ATAD2B: variants seen among roughly 807,000 people sequenced by gnomAD.
The protein encoded by ATAD2B is ATPase family AAA domain-containing protein 2B.
A neutral mutation model predicts 167.6 loss-of-function variants in ATAD2B; 40 were observed. The observed-to-expected ratio is 0.24, with a 90% CI of 0.19 to 0.31. ATAD2B has a LOEUF of 0.31. Among genes scored for constraint, ATAD2B ranks in the 10% least tolerant of loss-of-function variants. The pLI is 1.00. For missense variants in ATAD2B, 1,242 were observed against 1,757.2 expected (o/e 0.71, Z 5.24); for synonymous variants, 579 against 596.5 (o/e 0.97, Z 0.43).
rs568672666 is a variant in ATAD2B at position 23,810,448 on chromosome 2, T to C, written c.2322A>G (p.Glu774=). The part of the protein sequence containing the change: ...SYRPRLLLSG[E]RGSGQTSHLA... ...GGTGAGAAGTTTGACCTGAGCCCCG[T>C]TCTCCAGAGAGCAATAAGCGTGGCC... The change falls in exon 18 of 28, where the codon GAA becomes GAG. Residue 774 remains glutamate, a synonymous_variant. Coordinates refer to ENST00000238789, the MANE Select transcript of ATAD2B (RefSeq NM_017552.4). 2.4e-5 allele frequency: 38 copies of C among 1,613,948 alleles called. No homozygotes were observed. The highest frequency in any genetic ancestry group is 6.6e-5 in the South Asian group (6 of 91,084).
the ATAD2B span, among the ~76,000 whole-genome samples, chr2:23,709,229 C>T: frequency 1.3e-5 from 2 of 152,030 alleles, no homozygotes; most frequent in Non-Finnish European, 2.9e-5. Context: ...TTAGTAGAGA[C>T]GGTGGTTTTT....
intron 13 of ATAD2B, among the ~76,000 whole-genome samples, chr2:23,851,674 T>A (rs1692593632): frequency 6.6e-6 from 1 of 152,154 alleles, no homozygotes; most frequent in Admixed American, 6.5e-5. Context: ...TTCTATGGGT[T>A]TGGACAAACA....
At chr2:23,807,381 T>C (rs1267058174) in intron 18 of ATAD2B, among the ~76,000 whole-genome samples, 1 of 152,188 alleles carries the variant, frequency 6.6e-6, no homozygotes, top group Non-Finnish European at 1.5e-5. Flanking sequence ...TTTATCTATG[T>C]AGAACATTCC....
At chr2:23,909,956 A>G (rs1702034886) in intron 1 of ATAD2B, among the ~76,000 whole-genome samples, 1 of 150,652 alleles carries the variant, frequency 6.6e-6, no homozygotes, top group Admixed American at 6.6e-5. Flanking sequence ...TCAAACTCCT[A>G]GGCTCAAGCG....
At chr2:23,905,602 A>G (rs1488623200) in intron 1 of ATAD2B, among the ~76,000 whole-genome samples, 1 of 152,222 alleles carries the variant, frequency 6.6e-6, no homozygotes, top group Non-Finnish European at 1.5e-5. Context: ...CAGCACTACC[A>G]CTATAACTCA....
At chr2:23,713,982 C>A in the ATAD2B span, among the ~76,000 whole-genome samples, 1 of 152,146 alleles carries the variant, frequency 6.6e-6, no homozygotes, top group Non-Finnish European at 1.5e-5. Context: ...CTACAGATTT[C>A]TCAGAATCAA....
At chr2:23,685,258 ATTAT>A in the ATAD2B span, 1 of 144,956 alleles carries the variant, frequency 6.9e-6, no homozygotes, top group Non-Finnish European at 1.5e-5. Flanking sequence ...TTTTTCCTCC[ATTAT>A]GTTGATTTTT....
At chr2:23,853,077 G>A (rs1692826755) in intron 13 of ATAD2B, among the ~76,000 whole-genome samples, 1 of 152,048 alleles carries the variant, frequency 6.6e-6, no homozygotes, top group African/African-American at 2.4e-5. Context: ...CAGCAAACTA[G>A]GAATATAGTG....
intron 1 of ATAD2B, among the ~76,000 whole-genome samples, chr2:23,924,365 G>C (rs1348673432): frequency 6.6e-6 from 1 of 152,162 alleles, no homozygotes; most frequent in Non-Finnish European, 1.5e-5. Context: ...ACTGGCAAAT[G>C]CTTATTACAG....
chr2:23,684,330 CT>C, the ATAD2B span: 1 of 1,205,830 alleles, frequency 8.3e-7, no homozygotes, highest in Non-Finnish European at 1.1e-6. This position sits in a 1 kb window ranked among gnomAD's most constrained non-coding sequence, Gnocchi z 4.4. Flanking sequence ...AGAAAAAAAA[CT>C]TTTTTTAATT....
Position 23,798,213 on chromosome 2 carries a change from T to C in ATAD2B, c.2565A>G (p.Leu855=), listed in dbSNP as rs766737233. ...ETVRATFLTL[L]QDIPSFSPIF... is the part of the protein sequence containing the mutation. The stretch of plus-strand genomic sequence containing the variant: ...TAGGTGAAAATGATGGTATATCTTG[T>C]AGCAATGTCAGAAAAGTTGCTCTCA... The change falls in exon 19 of 28, where the codon CTA becomes CTG. Residue 855 remains leucine, a synonymous_variant. Transcript: ENST00000238789. The C allele has an allele frequency of 3.1e-6, 5 of 1,608,390 alleles. No individual in the cohort carries two copies. Among genetic ancestry groups the C allele is most frequent in the South Asian group, 1.1e-5 (1 of 90,546 alleles).
chr2:23,772,131 A>AT (rs111372185), intron 22 of ATAD2B, among the ~76,000 whole-genome samples: 2 of 147,304 alleles, frequency 1.4e-5, no homozygotes, highest in Non-Finnish European at 3.0e-5. Context: ...TATTTTGTTC[A>AT]TTTTTTTTTT....
chr2:23,844,439 A>G (rs1691413118), intron 13 of ATAD2B, among the ~76,000 whole-genome samples: 1 of 152,264 alleles, frequency 6.6e-6, no homozygotes, highest in African/African-American at 2.4e-5. Context: ...ACAGGAAAAC[A>G]CAATCCGTAA....
At chr2:23,781,787 CT>C (rs985841129) in intron 22 of ATAD2B, among the ~76,000 whole-genome samples, 3 of 137,182 alleles carry the variant, frequency 2.2e-5, no homozygotes, top group South Asian at 2.3e-4. Flanking sequence ...GCTGCTGTTT[CT>C]TTTTTTTTCT....
At chr2:23,889,292 C>T (rs2150305214) in intron 2 of ATAD2B, among the ~76,000 whole-genome samples, 1 of 152,102 alleles carries the variant, frequency 6.6e-6, no homozygotes, top group African/African-American at 2.4e-5. Flanking sequence ...CTCAGCCTCC[C>T]AAGTAGCTGG....
At chr2:23,753,563 A>C (rs1675602298) in intron 27 of ATAD2B, among the ~76,000 whole-genome samples, 1 of 152,194 alleles carries the variant, frequency 6.6e-6, no homozygotes, top group Non-Finnish European at 1.5e-5. Flanking sequence ...TATATAAACA[A>C]AGATAGAAGC....
rs1375017370 is a variant in ATAD2B at position 23,783,284 on chromosome 2, CT to C, written c.2974-257del. The stretch of plus-strand genomic sequence containing the variant: ...TTCTTAAAATTTGAAACCATGTCAG[CT>C]TTTTTTTTTTTTTTTTAATCCTTCG... On this transcript the variant is annotated intron_variant, in intron 21 of 27. Coordinates refer to ENST00000238789, the MANE Select transcript of ATAD2B (RefSeq NM_017552.4). Among the ~76,000 whole-genome samples the C allele has an allele frequency of 9.8e-3, 1,333 of 135,580 alleles. 12 individuals carry two copies. The highest frequency in any genetic ancestry group is 0.025 in the East Asian group (118 of 4,748). The allele number at this position is 135,580 out of a possible 152,430, so 88.9% of individuals were successfully genotyped here. A position where few individuals can be genotyped will look rare whatever the true frequency, so the allele number is the denominator to read the frequency against.
downstream of ATAD2B, among the ~76,000 whole-genome samples, chr2:23,747,400 G>C (rs1674952585): frequency 6.6e-6 from 1 of 151,590 alleles, no homozygotes; most frequent in Non-Finnish European, 1.5e-5. Flanking sequence ...GCAGGGTTTA[G>C]ATTCTGTAAC....
rs368365918 is a variant in ATAD2B, at chr2:23,926,957, C to A, written c.-187G>T. 2 of 660,866 alleles carry A rather than the reference C, an allele frequency of 3.0e-6. No homozygotes were observed. Among genetic ancestry groups the A allele is most frequent in the Non-Finnish European group, 4.7e-6 (2 of 423,670 alleles). The allele number at this position is 660,866 out of a possible 1,614,324, so 40.9% of individuals were successfully genotyped here. ...AGGAAGGGAAGTCGGCGTGAGCAGGCGGCGTGCGGGAAGCGGGGGCGGTGC... is the reference window on the plus strand; with the variant it reads ...AGGAAGGGAAGTCGGCGTGAGCAGGAGGCGTGCGGGAAGCGGGGGCGGTGC... On this transcript the variant is annotated 5_prime_UTR_variant, in exon 1 of 28. Transcript: ENST00000238789.
Sources: gnomAD v4.1 joint callset for allele counts (sites outside exome capture counted in the v4.1 genomes callset) on GRCh38, gnomAD v4.1.1 for gene constraint, Gnocchi (gnomAD v3.1) non-coding constraint, MANE v1.5 for transcripts, NCBI Gene and HGNC (gene_info 2026-07-23, HGNC 2026-07-21) for gene names.